Variants in MAP4K4 observed in about 807,000 individuals in gnomAD.
The protein encoded by MAP4K4 is mitogen-activated protein kinase kinase kinase kinase 4, also known as HPK/GCK-like kinase HGK.
Under a neutral mutation model 189.6 loss-of-function variants are expected in MAP4K4, and 38 were observed. The observed-to-expected ratio is 0.20, with a 90% CI of 0.15 to 0.26. The LOEUF is 0.26. Among genes scored for constraint, MAP4K4 ranks in the 10% least tolerant of loss-of-function variants. MAP4K4 has a pLI of 1.00. For missense variants in MAP4K4, 1,054 were observed against 1,726.9 expected (o/e 0.61, Z 6.91); for synonymous variants, 610 against 624.3 (o/e 0.98, Z 0.34).
chr2:101,750,053 C>T (rs1201677345), intron 2 of MAP4K4, among the ~76,000 whole-genome samples: 2 of 149,688 alleles, frequency 1.3e-5, no homozygotes, highest in Non-Finnish European at 3.0e-5. Flanking sequence ...CACTTTTACA[C>T]TGTTGGTGGG....
At chr2:101,792,680 G>C (rs2093127767) in intron 3 of MAP4K4, among the ~76,000 whole-genome samples, 1 of 150,048 alleles carries the variant, frequency 6.7e-6, no homozygotes, top group Admixed American at 6.6e-5. Flanking sequence ...CTGTCACCCA[G>C]GCTGGAGTGC....
At chr2:101,735,624 C>T (rs572633787) in intron 2 of MAP4K4, among the ~76,000 whole-genome samples, 1 of 152,002 alleles carries the variant, frequency 6.6e-6, no homozygotes, top group Non-Finnish European at 1.5e-5. Context: ...CATGGGAGGC[C>T]GTCTTTGTCA....
exon 33 of MAP4K4, chr2:101,894,151 C>T (rs933809445): frequency 7.9e-5 from 12 of 152,684 alleles, no homozygotes; most frequent in African/African-American, 1.9e-4. Context: ...CACAGAAGTG[C>T]CAATATGGCA....
intron 12 of MAP4K4, among the ~76,000 whole-genome samples, chr2:101,847,948 G>A (rs1270030224): frequency 2.0e-5 from 3 of 152,006 alleles, no homozygotes; most frequent in African/African-American, 7.2e-5. Context: ...CTTTTTTTGT[G>A]TTTAGATTCA....
chr2:101,715,360 C>T (rs867655079), intron 2 of MAP4K4, among the ~76,000 whole-genome samples: 8 of 152,154 alleles, frequency 5.3e-5, no homozygotes, highest in Non-Finnish European at 8.8e-5. Context: ...ATGAGAGTTT[C>T]AACATGTCAG....
At chr2:101,740,410 TCC>T (rs2062179115) in intron 2 of MAP4K4, among the ~76,000 whole-genome samples, 2 of 149,360 alleles carry the variant, frequency 1.3e-5, no homozygotes, top group African/African-American at 2.6e-5. Flanking sequence ...CGCCTCGGCC[TCC>T]CAAAGTGCTG....
intron 5 of MAP4K4, among the ~76,000 whole-genome samples, chr2:101,828,788 G>A (rs2096478972): frequency 6.6e-6 from 1 of 152,188 alleles, no homozygotes; most frequent in Non-Finnish European, 1.5e-5. Flanking sequence ...AATGAGTTGT[G>A]AGAATGATGC....
intron 2 of MAP4K4, among the ~76,000 whole-genome samples, chr2:101,714,113 G>T (rs2047140729): frequency 6.6e-6 from 1 of 152,168 alleles, no homozygotes; most frequent in Admixed American, 6.5e-5. Context: ...ACTTAAGATA[G>T]GTTGGAAGTC....
intron 26 of MAP4K4, among the ~76,000 whole-genome samples, chr2:101,876,744 A>G (rs1236024516): frequency 6.6e-6 from 1 of 152,206 alleles, no homozygotes; most frequent in African/African-American, 2.4e-5. Flanking sequence ...TATTAAGGAA[A>G]TTGATGGGAT....
chr2:101,842,511 G>A, intron 10 of MAP4K4, 98 bp from the exon 11 acceptor site: 1 of 799,272 alleles, frequency 1.3e-6, no homozygotes, highest in East Asian at 2.8e-5. Flanking sequence ...CAGGGAACTT[G>A]TTTATTTTCT....
At chr2:101,861,690 A>G (rs1330393844) in intron 16 of MAP4K4, 1 of 152,244 alleles carries the variant, frequency 6.6e-6, no homozygotes, top group Non-Finnish European at 1.5e-5. Flanking sequence ...AGTGCTGTCC[A>G]TAGAGGAGAA....
chr2:101,754,913 A>G (rs530641154), intron 2 of MAP4K4, among the ~76,000 whole-genome samples: 7 of 152,344 alleles, frequency 4.6e-5, no homozygotes, highest in African/African-American at 1.7e-4. Flanking sequence ...ATTGTTAGTC[A>G]TGGCCACAAA....
At chr2:101,863,375 C>T (rs113412698) in intron 16 of MAP4K4, among the ~76,000 whole-genome samples, 252 of 152,294 alleles carry the variant, frequency 1.7e-3, no homozygotes, top group Non-Finnish European at 2.8e-3. Context: ...AAATGTGACA[C>T]TGCAGGTAAT....
At chr2:101,859,171 T>C in intron 14 of MAP4K4, 89 bp downstream of exon 14, 1 of 1,261,446 alleles carries the variant, frequency 7.9e-7, no homozygotes, top group Non-Finnish European at 1.1e-6. Context: ...CACCAGACCA[T>C]TTTGGTTTTG....
At chr2:101,718,978 TAA>T (rs2050141554) in intron 2 of MAP4K4, among the ~76,000 whole-genome samples, 1 of 152,334 alleles carries the variant, frequency 6.6e-6, no homozygotes, top group Admixed American at 6.5e-5. Context: ...CCATGTGGTG[TAA>T]AGTGTATTGG....
chr2:101,774,282 GT>G (rs2082886823), intron 2 of MAP4K4, among the ~76,000 whole-genome samples: 1 of 152,190 alleles, frequency 6.6e-6, no homozygotes, highest in African/African-American at 2.4e-5. Flanking sequence ...TCTCATTGTA[GT>G]TTTGATTTGC....
chr2:101,765,434 AC>A (rs2078224658), intron 2 of MAP4K4, among the ~76,000 whole-genome samples: 2 of 151,988 alleles, frequency 1.3e-5, no homozygotes, highest in Admixed American at 6.6e-5. Flanking sequence ...GGCTCAGGTG[AC>A]CCCCTTGCCT....
intron 7 of MAP4K4, among the ~76,000 whole-genome samples, chr2:101,832,130 A>G (rs2096610606): frequency 6.6e-6 from 1 of 152,232 alleles, no homozygotes; most frequent in South Asian, 2.1e-4. Flanking sequence ...CCTATTTGCT[A>G]TCCATTTTTT....
chr2:101,790,857 T>TG, intron 3 of MAP4K4, 81 bp downstream of exon 3: 7 of 1,219,450 alleles, frequency 5.7e-6, no homozygotes, highest in South Asian at 1.3e-5. Flanking sequence ...TATTACTCTG[T>TG]TTGGAAAATC....
Sources: allele counts gnomAD v4.1 joint callset (sites outside exome capture counted in the v4.1 genomes callset), GRCh38; gene constraint gnomAD v4.1.1; transcripts MANE v1.5; gene names NCBI Gene and HGNC (gene_info 2026-07-23, HGNC 2026-07-21).